The following ADAP1 variants were observed in gnomAD, a reference collection of about 807,000 sequenced individuals.
The protein encoded by ADAP1 is ArfGAP with dual PH domains 1.
In ADAP1, 31 loss-of-function variants were observed where a neutral mutation model predicts 54.9. The observed-to-expected ratio is 0.56, with a 90% CI of 0.42 to 0.76. The LOEUF (loss-of-function observed/expected upper bound fraction) is 0.76. Ranked by LOEUF, ADAP1 falls within the 30% of genes least tolerant of loss-of-function variation. ADAP1 has a pLI of 0.00. For synonymous variants in ADAP1, 313 were observed against 202.6 expected (o/e 1.55, Z -4.63); for missense variants, 535 against 512.4 (o/e 1.04, Z -0.42).
rs1846386441 is a variant in ADAP1 at position 926,340 on chromosome 7, G to GCCCCACCCCAACGCC, written c.305+212_305+213insGGCGTTGGGGTGGGG. Among the ~76,000 whole-genome samples, 1 of 71,984 alleles carries GCCCCACCCCAACGCC rather than the reference G, an allele frequency of 1.4e-5. No homozygotes were observed. Among genetic ancestry groups the GCCCCACCCCAACGCC allele is most frequent in the Admixed American group, 1.4e-4 (1 of 7,254 alleles). 47.2% of individuals were successfully genotyped at this position (71,984 alleles called of 152,430 possible). ...CTACTGATGCACAATGACCTTCCCAGCCCCACCCCAGCGCCCCCCGCCCCA... is the reference window on the plus strand; with the variant it reads ...CTACTGATGCACAATGACCTTCCCAGCCCCACCCCAACGCCCCCCACCCCAGCGCCCCCCGCCCCA... On this transcript the variant is annotated intron_variant, in intron 3 of 10. Transcript: ENST00000265846. The surrounding 1 kb of genome is among the most constrained non-coding windows in gnomAD (Gnocchi z 4.6).
In ADAP1 at chr7:919,046, C is replaced by T. The variant is rs1437981998; in HGVS notation, c.388+922G>A. Among the ~76,000 whole-genome samples, 5 of 152,068 alleles carry T rather than the reference C, an allele frequency of 3.3e-5. No homozygotes were observed. In the East Asian group the frequency reaches 9.6e-4, roughly 29 times the overall value. ...GGCTGGGGTGGGCTGGCCTCCCAGG[C>T]CCCCATGGCACTGCCTCCCAGCGCC... On this transcript the variant is annotated intron_variant, in intron 4 of 10. Coordinates refer to ENST00000265846, the MANE Select transcript of ADAP1 (RefSeq NM_006869.4).
chr7:913,425 TCTC>T lies in ADAP1; in HGVS notation c.388+6540_388+6542del, dbSNP rs1370723499. ...ACCGTGTTAGCCAGGATGGTCTTGA[TCTC>T]CTGACCTCGTGATCCGCCTGCCTCA... On this transcript the variant is annotated intron_variant, in intron 4 of 10. Coordinates refer to ENST00000265846, the MANE Select transcript of ADAP1 (RefSeq NM_006869.4). Among the ~76,000 whole-genome samples the T allele has an allele frequency of 2.0e-5, 3 of 151,796 alleles. No homozygotes were observed. The East Asian group carries it at 5.9e-4, about 30-fold the overall frequency.
rs1844744308 is a variant in ADAP1, at chr7:900,602, C to G, written c.663G>C (p.Trp221Cys). Residue 221 changes from tryptophan to cysteine, a missense_variant, in exon 7 of 11, where the codon TGG (tryptophan) becomes TGC (cysteine). By Grantham distance (215) the Trp-to-Cys change is radical. Transcript: ENST00000265846. ...AGCGAGCAGCTCGGAGTGCATTGAA[C>G]CAGTCCACAATCTCCTAGGGGCAAA... ...YHEDGKEIVD[W>C]FNALRAARFH... 6.2e-7 allele frequency: 1 copy of G among 1,601,150 alleles called. No individual in the cohort carries two copies. Among genetic ancestry groups the G allele is most frequent in the Non-Finnish European group, 8.5e-7 (1 of 1,176,048 alleles).
chr7:927,432 G>A (rs1226862421), intron 2 of ADAP1: 12 of 482,148 alleles, frequency 2.5e-5, no homozygotes, highest in Non-Finnish European at 4.6e-5. Context: ...GAGAGGTTCT[G>A]CTTGCTATGC....
intron 4 of ADAP1, among the ~76,000 whole-genome samples, chr7:919,753 AGATGGGGGGG>A (rs1249197072): frequency 4.8e-5 from 1 of 21,020 alleles, no homozygotes; most frequent in Non-Finnish European, 8.8e-5. Context: ...AGAGGGAGGG[AGATGGGGGGG>A]AAGGGGGGAG....
chr7:905,043 C>A lies in ADAP1; in HGVS notation c.501+17G>T, dbSNP rs758228220. On this transcript the variant is annotated intron_variant, in intron 5 of 10. Transcript: ENST00000265846. ...GCCCTGGGACAGGCCCCCACCCCAC[C>A]CCCGTCTGTGACTCACATCATTTCT... 4.9e-5 allele frequency: 78 copies of A among 1,604,440 alleles called. 1 individual carries two copies. In the East Asian group the frequency reaches 1.6e-3, roughly 33 times the overall value.
intron 1 of ADAP1, among the ~76,000 whole-genome samples, chr7:952,348 G>A (rs939767131): frequency 2.0e-5 from 3 of 152,164 alleles, no homozygotes; most frequent in Non-Finnish European, 2.9e-5. Flanking sequence ...ATGTCCTGCT[G>A]TCCAGGTCTG....
intron 1 of ADAP1, among the ~76,000 whole-genome samples, chr7:947,730 C>T (rs937878200): frequency 6.6e-6 from 1 of 152,168 alleles, no homozygotes; most frequent in African/African-American, 2.4e-5. Flanking sequence ...GTCCCACCCA[C>T]CTCCCGCTCC....
chr7:932,368 A>T (rs952938714), intron 2 of ADAP1, among the ~76,000 whole-genome samples: 1 of 110,288 alleles, frequency 9.1e-6, no homozygotes, highest in Non-Finnish European at 2.1e-5. Context: ...GGGTTTTTCC[A>T]ACAACAGTGA....
chr7:914,587 G>T (rs1296166672), intron 4 of ADAP1, among the ~76,000 whole-genome samples: 2 of 152,148 alleles, frequency 1.3e-5, no homozygotes, highest in African/African-American at 2.4e-5. Context: ...GGCTCGGGGG[G>T]TCCCTGAGGT....
chr7:950,554 T>A (rs1847242521), intron 1 of ADAP1, among the ~76,000 whole-genome samples: 1 of 149,998 alleles, frequency 6.7e-6, no homozygotes, highest in East Asian at 2.0e-4. Flanking sequence ...AGTCATAAGA[T>A]TCATAGAGAC....
At chr7:899,591 GGTCA>G (rs1429798713) in intron 8 of ADAP1, 101 bp from the exon 9 acceptor site, 1 of 1,363,322 alleles carries the variant, frequency 7.3e-7, no homozygotes, top group Non-Finnish European at 1.0e-6. Context: ...GACTGGCCCG[GGTCA>G]GTCACCTCCA....
At chr7:931,046 G>T (rs1236267661) in intron 2 of ADAP1, among the ~76,000 whole-genome samples, 5 of 150,146 alleles carry the variant, frequency 3.3e-5, no homozygotes, top group African/African-American at 1.2e-4. Flanking sequence ...ACTGAGGGAG[G>T]GAGGGAGGGA....
At chr7:930,129 C>T (rs1291545081) in intron 2 of ADAP1, among the ~76,000 whole-genome samples, 2 of 137,440 alleles carry the variant, frequency 1.5e-5, no homozygotes, top group Non-Finnish European at 1.6e-5. Context: ...AAAAAAAAAC[C>T]CTCAGGCAGA....
At chr7:955,254 G>A, upstream of ADAP1, 2 of 1,539,348 alleles carry the variant, frequency 1.3e-6, no homozygotes, top group East Asian at 4.9e-5. Flanking sequence ...ACTTCACATG[G>A]GGGCTGACAG....
At position 954,535 on chromosome 7, in the gene ADAP1, C is replaced by A; in HGVS notation, c.-58G>T. The stretch of plus-strand genomic sequence containing the variant: ...GCCGGGGCCGGGAGCGTCAGCCCGG[C>A]TCGCTAGGGCCCCGCGCAGGCCGCC... On this transcript the variant is annotated 5_prime_UTR_variant, in exon 1 of 11. Transcript: ENST00000265846. 1.0e-6 allele frequency: 1 copy of A among 996,612 alleles called. No individual in the cohort carries two copies. The highest frequency in any genetic ancestry group is 1.2e-6 in the Non-Finnish European group (1 of 838,934). 61.7% of individuals were successfully genotyped at this position (996,612 alleles called of 1,614,324 possible).
chr7:915,499 G>C (rs969045955), intron 4 of ADAP1, among the ~76,000 whole-genome samples: 1 of 152,224 alleles, frequency 6.6e-6, no homozygotes, highest in African/African-American at 2.4e-5. Flanking sequence ...CAAGGCCAAG[G>C]CCTTGGGCTC....
chr7:954,938 G>A (rs1847350995), upstream of ADAP1, among the ~76,000 whole-genome samples: 1 of 152,118 alleles, frequency 6.6e-6, no homozygotes, highest in Admixed American at 6.5e-5. Flanking sequence ...GCGGTGGGAC[G>A]GAGCCTGCAC....
At chr7:942,611 G>A (rs1846982689) in intron 1 of ADAP1, among the ~76,000 whole-genome samples, 1 of 57,228 alleles carries the variant, frequency 1.7e-5, no homozygotes. Flanking sequence ...AGAGGAGGAG[G>A]AAGGGAGAGA....
Sources: allele counts gnomAD v4.1 joint callset (sites outside exome capture counted in the v4.1 genomes callset), GRCh38; gene constraint gnomAD v4.1.1; non-coding constraint Gnocchi (gnomAD v3.1); transcripts MANE v1.5; gene names NCBI Gene and HGNC (gene_info 2026-07-23, HGNC 2026-07-21).